The following GABRA4 variants were observed in gnomAD, a reference collection of about 807,000 sequenced individuals.
GABRA4 encodes gamma-aminobutyric acid type A receptor subunit alpha4, also known as gamma-aminobutyric acid receptor subunit alpha-4.
Under a neutral mutation model 49.7 loss-of-function variants are expected in GABRA4, and 12 were observed. The observed-to-expected ratio is 0.24, with a 90% confidence interval of 0.15 to 0.39. GABRA4 has a LOEUF of 0.39. GABRA4 is among the 10% of genes least tolerant of loss of function. The pLI, the probability that GABRA4 is intolerant of heterozygous loss-of-function variation, is 1.00. For missense variants in GABRA4, 506 were observed against 686.0 expected (o/e 0.74, Z 2.93); for synonymous variants, 288 against 240.2 (o/e 1.20, Z -1.84).
rs1721130866 is a variant in GABRA4 at position 46,924,195 on chromosome 4, G to A, written c.*4030C>T. ...CTGAGCAATTTTGGAGCCTGAGGCA[G>A]AAGAAAATATTATTACTACTGATTC... On this transcript the variant is annotated 3_prime_UTR_variant, in exon 9 of 9. Coordinates refer to ENST00000264318, the MANE Select transcript of GABRA4 (RefSeq NM_000809.4). The A allele has an allele frequency of 6.6e-6, 1 of 152,070 alleles. No individual in the cohort carries two copies. Among genetic ancestry groups the A allele is most frequent in the Admixed American group, 6.6e-5 (1 of 15,246 alleles). The allele number at this position is 152,070 out of a possible 1,614,324, so 9.4% of individuals were successfully genotyped here. A position where few individuals can be genotyped will look rare whatever the true frequency, so the allele number is the denominator to read the frequency against.
Position 46,928,087 on chromosome 4 carries a change from A to G in GABRA4, c.*138T>C, listed in dbSNP as rs141747680. Reference sequence around the variant, plus strand: ...ACTCAGGAATTAATTAACTCTCCCAATAACTGGCTTATATCTTTAAATGGA... The same window carrying G: ...ACTCAGGAATTAATTAACTCTCCCAGTAACTGGCTTATATCTTTAAATGGA... On this transcript the variant is annotated 3_prime_UTR_variant, in exon 9 of 9. Coordinates refer to ENST00000264318, the MANE Select transcript of GABRA4 (RefSeq NM_000809.4). 5,241 of 717,192 alleles carry G rather than the reference A, an allele frequency of 7.3e-3. 31 individuals are homozygous for G. The highest frequency in any genetic ancestry group is 0.012 in the Middle Eastern group (30 of 2,440). 44.4% of individuals were successfully genotyped at this position (717,192 alleles called of 1,614,324 possible). A position where few individuals can be genotyped will look rare whatever the true frequency, so the allele number is the denominator to read the frequency against.
intron 2 of GABRA4, among the ~76,000 whole-genome samples, chr4:46,990,378 A>G (rs1401920123): frequency 6.6e-6 from 1 of 152,208 alleles, no homozygotes; most frequent in African/African-American, 2.4e-5. Context: ...GTTATTGTCA[A>G]TATTATGCAA....
chr4:46,934,148 C>T (rs1258377148), intron 8 of GABRA4, among the ~76,000 whole-genome samples: 1 of 152,028 alleles, frequency 6.6e-6, no homozygotes, highest in Admixed American at 6.6e-5. Flanking sequence ...GTAACTTAAT[C>T]CTTGTAAATT....
intron 2 of GABRA4, among the ~76,000 whole-genome samples, chr4:46,985,238 A>G (rs1279278551): frequency 6.6e-6 from 1 of 152,080 alleles, no homozygotes; most frequent in East Asian, 1.9e-4. Context: ...ACCTAAAATG[A>G]CATTCAAAGG....
At chr4:46,982,789 GA>G (rs1237333975) in intron 2 of GABRA4, among the ~76,000 whole-genome samples, 2 of 151,950 alleles carry the variant, frequency 1.3e-5, no homozygotes, top group African/African-American at 4.8e-5. Flanking sequence ...ACATTACAGG[GA>G]AGCAAAAGTA....
chr4:46,972,435 C>A (rs1013046026), intron 6 of GABRA4, among the ~76,000 whole-genome samples: 3 of 151,316 alleles, frequency 2.0e-5, no homozygotes, highest in Non-Finnish European at 4.4e-5. Context: ...TAATTTTTAA[C>A]CAATTTTTTG....
Position 46,965,133 on chromosome 4 carries a change from G to T in GABRA4, c.971C>A (p.Ala324Asp), listed in dbSNP as rs950264913. Residue 324 changes from alanine (A) to aspartate (D), a missense_variant, in exon 8 of 9, where the codon GCT becomes GAT. Transcript: ENST00000264318. ...SYATAMDWFIAVCFAFVFSAL... is the reference protein window; with the variant it reads ...SYATAMDWFIDVCFAFVFSAL... ...CGAAAATACAAAAGCAAAGCAGACA[G>T]CTATGAACCAGTCCATGGCGGTAGC... 1 of 1,612,034 alleles carries T rather than the reference G, an allele frequency of 6.2e-7. No individual in the cohort carries two copies. The highest frequency in any genetic ancestry group is 1.3e-5 in the African/African-American group (1 of 74,712).
At chr4:46,967,686 C>T (rs1722813122) in intron 7 of GABRA4, among the ~76,000 whole-genome samples, 2 of 151,612 alleles carry the variant, frequency 1.3e-5, no homozygotes, top group African/African-American at 4.8e-5. Context: ...TCGTGTATGG[C>T]TTAGCCGGCA....
intron 8 of GABRA4, among the ~76,000 whole-genome samples, chr4:46,942,626 GAA>G (rs752581585): frequency 1.1e-4 from 12 of 110,642 alleles, no homozygotes; most frequent in South Asian, 3.0e-4. Flanking sequence ...CTCTGTCTCA[GAA>G]AAAAAAAAAA....
chr4:46,971,555 G>A (rs1029192081), intron 6 of GABRA4, among the ~76,000 whole-genome samples: 2 of 151,218 alleles, frequency 1.3e-5, no homozygotes, highest in Admixed American at 6.6e-5. Context: ...CATTTTCAGC[G>A]TTTTTTAGAA....
intron 8 of GABRA4, among the ~76,000 whole-genome samples, chr4:46,938,644 C>A (rs543795050): frequency 1.3e-5 from 2 of 152,160 alleles, no homozygotes; most frequent in East Asian, 3.9e-4. Flanking sequence ...GAATTCCAGA[C>A]AATGTTTGCC....
chr4:46,979,586 A>T (rs998495664), intron 2 of GABRA4, among the ~76,000 whole-genome samples: 2 of 152,082 alleles, frequency 1.3e-5, no homozygotes, highest in Non-Finnish European at 2.9e-5. Flanking sequence ...CACCTTTATC[A>T]ACAAGCACAC....
In GABRA4 at chr4:46,921,794, A is replaced by G. The variant is rs1450769190; in HGVS notation, c.*6431T>C. ...AAAAATAACATAATGAAAAATTGAG[A>G]AAAAAAAATGAAAACCATATCTGTA... On this transcript the variant is annotated 3_prime_UTR_variant, in exon 9 of 9. Transcript: ENST00000264318. 6.6e-6 allele frequency: 1 copy of G among 150,614 alleles called. No individual in the cohort carries two copies. The highest frequency in any genetic ancestry group is 1.5e-5 in the Non-Finnish European group (1 of 67,198). 9.3% of individuals were successfully genotyped at this position (150,614 alleles called of 1,614,324 possible). A position where few individuals can be genotyped will look rare whatever the true frequency, so the allele number is the denominator to read the frequency against.
In GABRA4 at chr4:46,977,080, G is replaced by A. The variant is rs1723162484; in HGVS notation, c.558C>T (p.Cys186=). 6.2e-7 allele frequency: 1 copy of A among 1,606,238 alleles called. No individual in the cohort carries two copies. The highest frequency in any genetic ancestry group is 8.5e-7 in the Non-Finnish European group (1 of 1,174,320). Residue 186 remains cysteine (C), a synonymous_variant, in exon 5 of 9, where the codon TGC becomes TGT. Transcript: ENST00000264318. The part of the protein sequence containing the change: ...LVDFPMDGHA[C]PLKFGSYAYP... ...ACTTACAACTCCCGAATTTCAAAGG[G>A]CATGCATGACCATCCATGGGAAAAT...
chr4:46,935,006 C>A (rs75822667), intron 8 of GABRA4, among the ~76,000 whole-genome samples: 1 of 152,166 alleles, frequency 6.6e-6, no homozygotes, highest in African/African-American at 2.4e-5. Flanking sequence ...AGATACTATG[C>A]TAGATGAATC....
At chr4:46,983,865 G>A (rs1723441245) in intron 2 of GABRA4, among the ~76,000 whole-genome samples, 1 of 151,946 alleles carries the variant, frequency 6.6e-6, no homozygotes, top group African/African-American at 2.4e-5. Context: ...TTGGTAGTAG[G>A]AATATATTTT....
chr4:46,934,800 G>T (rs1207712887), intron 8 of GABRA4, among the ~76,000 whole-genome samples: 1 of 152,012 alleles, frequency 6.6e-6, no homozygotes, highest in Non-Finnish European at 1.5e-5. Flanking sequence ...GTTTTGTATG[G>T]TAGACACATG....
intron 2 of GABRA4, among the ~76,000 whole-genome samples, chr4:46,987,021 G>C (rs1723567794): frequency 6.6e-6 from 1 of 152,058 alleles, no homozygotes; most frequent in African/African-American, 2.4e-5. Context: ...CCTTGCCTCT[G>C]ACTGCCTGTT....
chr4:46,934,965 A>C (rs1348899720), intron 8 of GABRA4, among the ~76,000 whole-genome samples: 1 of 152,184 alleles, frequency 6.6e-6, no homozygotes, highest in Non-Finnish European at 1.5e-5. Flanking sequence ...AAAAGAGTGC[A>C]AAGGACACTC....
Sources: gnomAD v4.1 joint callset for allele counts (sites outside exome capture counted in the v4.1 genomes callset) on GRCh38, gnomAD v4.1.1 for gene constraint, MANE v1.5 for transcripts, NCBI Gene and HGNC (gene_info 2026-07-23, HGNC 2026-07-21) for gene names.